The following ZFAND4 variants were observed in gnomAD, a reference collection of about 807,000 sequenced individuals.
The protein encoded by ZFAND4 is AN1-type zinc finger protein 4.
In ZFAND4, 43 loss-of-function variants were observed where a neutral mutation model predicts 64.4. The observed-to-expected ratio is 0.67, with a 90% CI of 0.52 to 0.86. The LOEUF is 0.86. Ranked by LOEUF, ZFAND4 falls within the 40% of genes least tolerant of loss-of-function variation. ZFAND4 has a pLI of 0.00. For synonymous variants in ZFAND4, 296 were observed against 305.7 expected (o/e 0.97, Z 0.33); for missense variants, 929 against 859.8 (o/e 1.08, Z -1.01).
At chr10:45,636,177 C>T (rs2046581619) in intron 6 of ZFAND4, among the ~76,000 whole-genome samples, 2 of 151,992 alleles carry the variant, frequency 1.3e-5, no homozygotes, top group Non-Finnish European at 2.9e-5. Context: ...TATTTTTATT[C>T]AGTGAAAAAA....
rs377735919 is a variant in ZFAND4, at chr10:45,634,368, C to T, written c.717+5448G>A. Among the ~76,000 whole-genome samples the T allele has an allele frequency of 3.6e-4, 54 of 151,870 alleles. 1 individual carries two copies. The East Asian group carries it at 5.0e-3, about 14-fold the overall frequency. ...TGAAACCCCATCTCTATTAAAAATA[C>T]AAAAATTAGTTGGGCATGGTGGCTC... On this transcript the variant is annotated intron_variant, in intron 6 of 9. Coordinates refer to ENST00000344646, the MANE Select transcript of ZFAND4 (RefSeq NM_174890.4).
At chr10:45,618,848 G>C (rs1317557811) in intron 8 of ZFAND4, among the ~76,000 whole-genome samples, 1 of 152,016 alleles carries the variant, frequency 6.6e-6, no homozygotes, top group East Asian at 1.9e-4. Flanking sequence ...TATGTAAAAA[G>C]CACTCTGAAA....
intron 5 of ZFAND4, 99 bp from the exon 6 acceptor site, chr10:45,640,062 T>A: frequency 1.5e-6 from 2 of 1,375,870 alleles, no homozygotes; most frequent in Non-Finnish European, 1.9e-6. Context: ...TTACTAATGA[T>A]AAAACACTAC....
intron 6 of ZFAND4, among the ~76,000 whole-genome samples, chr10:45,636,574 T>C (rs2046613198): frequency 6.6e-6 from 1 of 152,138 alleles, no homozygotes; most frequent in South Asian, 2.1e-4. Context: ...GAGGTGGAGA[T>C]TGTAGTGAGC....
chr10:45,634,240 C>A (rs1589296736), intron 6 of ZFAND4, among the ~76,000 whole-genome samples: 1 of 152,100 alleles, frequency 6.6e-6, no homozygotes, highest in Admixed American at 6.6e-5. Context: ...TTAAACATTT[C>A]TCAGCCAGGC....
At chr10:45,628,946 A>C (rs1483366106) in intron 6 of ZFAND4, among the ~76,000 whole-genome samples, 1 of 149,874 alleles carries the variant, frequency 6.7e-6, no homozygotes, top group Non-Finnish European at 1.5e-5. Flanking sequence ...AGAAAAGGAG[A>C]GGTTTGCTGA....
chr10:45,657,623 T>TA (rs1001361628), intron 2 of ZFAND4, among the ~76,000 whole-genome samples: 6 of 152,166 alleles, frequency 3.9e-5, no homozygotes, highest in Non-Finnish European at 5.9e-5. Context: ...TATGCTTCCA[T>TA]AAAAATGTGT....
At chr10:45,647,130 G>A (rs761721867) in intron 5 of ZFAND4, among the ~76,000 whole-genome samples, 5 of 152,196 alleles carry the variant, frequency 3.3e-5, no homozygotes, top group Non-Finnish European at 7.3e-5. Flanking sequence ...ATATGGCAAA[G>A]GACGTTGCAG....
In ZFAND4 at chr10:45,626,071, G is replaced by A; in HGVS notation, c.1752C>T (p.Ser584=). The change falls in exon 7 of 10, where the codon AGC becomes AGT. Residue 584 remains serine (S), a synonymous_variant. Coordinates refer to ENST00000344646, the MANE Select transcript of ZFAND4 (RefSeq NM_174890.4). ...AGSTSRNRLQ[S]TRGAGRLQNS... ...TCTGAAGCCTGCCTGCCCCACGTGT[G>A]CTCTGTAATCTATTTCTGCTTGTGC... 1.9e-6 allele frequency: 3 copies of A among 1,614,066 alleles called. No individual in the cohort carries two copies. Among genetic ancestry groups the A allele is most frequent in the Non-Finnish European group, 2.5e-6 (3 of 1,180,032 alleles).
chr10:45,656,101 C>T (rs987195194), intron 2 of ZFAND4, among the ~76,000 whole-genome samples: 5 of 151,744 alleles, frequency 3.3e-5, no homozygotes, highest in Non-Finnish European at 7.4e-5. Flanking sequence ...CGTGGTGGCA[C>T]GCACCTGTAG....
intron 1 of ZFAND4, among the ~76,000 whole-genome samples, chr10:45,669,234 C>T (rs2049024023): frequency 6.6e-6 from 1 of 152,170 alleles, no homozygotes; most frequent in Non-Finnish European, 1.5e-5. Context: ...AAACTACCAT[C>T]AGAGAATACC....
intron 4 of ZFAND4, chr10:45,650,210 G>A (rs997330553): frequency 6.6e-6 from 1 of 152,040 alleles, no homozygotes; most frequent in African/African-American, 2.4e-5. Context: ...AGACTGGACT[G>A]TAGTGGCGCA....
At chr10:45,627,505 A>G (rs1336804451) in intron 6 of ZFAND4, among the ~76,000 whole-genome samples, 2 of 152,048 alleles carry the variant, frequency 1.3e-5, no homozygotes, top group Admixed American at 6.6e-5. Flanking sequence ...AAAAAAAAAA[A>G]AGTTAAAAGG....
intron 6 of ZFAND4, among the ~76,000 whole-genome samples, chr10:45,631,047 G>A (rs566980531): frequency 2.6e-5 from 4 of 151,930 alleles, no homozygotes; most frequent in South Asian, 2.1e-4. Context: ...GGCCGGGCGC[G>A]GTGGCTCACG....
intron 2 of ZFAND4, among the ~76,000 whole-genome samples, chr10:45,659,837 T>C (rs569211444): frequency 3.9e-5 from 6 of 152,084 alleles, no homozygotes; most frequent in East Asian, 1.9e-4. Context: ...ATGCCTTTGA[T>C]TGGTCATCTG....
intron 5 of ZFAND4, among the ~76,000 whole-genome samples, chr10:45,645,352 G>A (rs1304844166): frequency 2.6e-5 from 4 of 152,214 alleles, no homozygotes; most frequent in South Asian, 2.1e-4. Flanking sequence ...AGTCTATCCT[G>A]TGTTATTAAA....
Position 45,648,510 on chromosome 10 carries a change from T to G in ZFAND4, c.353A>C (p.Lys118Thr), listed in dbSNP as rs17854567. The G allele has an allele frequency of 0.13, 210,015 of 1,610,784 alleles. 15,202 individuals are homozygous for G. The highest frequency in any genetic ancestry group is 0.25 in the Admixed American group (14,724 of 59,358). Residue 118 changes from lysine to threonine, a missense_variant, in exon 5 of 10, where the codon AAG (lysine) becomes ACG (threonine). Coordinates refer to ENST00000344646, the MANE Select transcript of ZFAND4 (RefSeq NM_174890.4). ...RRVPTDDPLR[K>T]MAEYLDSSRV... is the part of the protein sequence containing the mutation. The stretch of plus-strand genomic sequence containing the variant: ...ACTGGAATCCAAGTACTCTGCCATC[T>G]TCCTAAGTGGATCGTCTGTAGGAAC...
chr10:45,658,541 A>G lies in ZFAND4; in HGVS notation c.184+5001T>C, dbSNP rs559063139. 1.3e-3 allele frequency among the ~76,000 whole-genome samples: 194 copies of G among 152,362 alleles called. 1 individual carries two copies. The highest frequency in any genetic ancestry group is 4.3e-3 in the African/African-American group (179 of 41,582). ...TGTAAATTATATCTTCCTAAAAAAT[A>G]GTTTGTTAGAATTTGGAGACAAATA... On this transcript the variant is annotated intron_variant, in intron 2 of 9. Coordinates refer to ENST00000344646, the MANE Select transcript of ZFAND4 (RefSeq NM_174890.4).
At chr10:45,624,441 A>C (rs935712287) in intron 8 of ZFAND4, 142 bp downstream of exon 8, 1 of 654,484 alleles carries the variant, frequency 1.5e-6, no homozygotes, top group Non-Finnish European at 2.6e-6. Context: ...ATTATTCTTA[A>C]TTGGAAAAAG....
Sources: gnomAD v4.1 joint callset for allele counts (sites outside exome capture counted in the v4.1 genomes callset) on GRCh38, gnomAD v4.1.1 for gene constraint, MANE v1.5 for transcripts, NCBI Gene and HGNC (gene_info 2026-07-23, HGNC 2026-07-21) for gene names.